SMOC2: variants seen among roughly 807,000 people sequenced by gnomAD.
SMOC2 encodes the protein SPARC-related modular calcium-binding protein 2.
A neutral mutation model predicts 61.4 loss-of-function variants in SMOC2; 39 were observed. That is an observed-to-expected ratio of 0.64 (90% CI 0.49 to 0.83). SMOC2 has a LOEUF of 0.83. Among genes scored for constraint, SMOC2 ranks in the 40% least tolerant of loss-of-function variants. The probability of loss-of-function intolerance (pLI) is 0.00; values close to 1 mark genes in which losing one functional copy is unlikely to be tolerated. For synonymous variants in SMOC2, 247 were observed against 239.9 expected (o/e 1.03, Z -0.27); for missense variants, 556 against 592.9 (o/e 0.94, Z 0.65).
At chr6:168,581,430 T>C (rs1462839098) in intron 7 of SMOC2, among the ~76,000 whole-genome samples, 1 of 152,224 alleles carries the variant, frequency 6.6e-6, no homozygotes, top group Non-Finnish European at 1.5e-5. Flanking sequence ...CCAGACCTGC[T>C]GGCCAGGGAC....
chr6:168,596,222 G>C (rs1172165867), intron 7 of SMOC2, among the ~76,000 whole-genome samples: 1 of 125,560 alleles, frequency 8.0e-6, no homozygotes, highest in Non-Finnish European at 1.7e-5. Flanking sequence ...CAAGCGCCAC[G>C]TGAACACGGC....
At chr6:168,518,993 G>C (rs183436127) in intron 2 of SMOC2, among the ~76,000 whole-genome samples, 5 of 150,808 alleles carry the variant, frequency 3.3e-5, no homozygotes, top group Non-Finnish European at 7.4e-5. Flanking sequence ...GCGTGTGTAT[G>C]CGTGCATGTG....
chr6:168,570,037 G>A (rs1784628229), intron 7 of SMOC2, among the ~76,000 whole-genome samples: 1 of 152,020 alleles, frequency 6.6e-6, no homozygotes. Context: ...AAAGGCGTAA[G>A]GTCCGTGTCT....
chr6:168,546,309 G>A (rs1364910873), intron 5 of SMOC2, among the ~76,000 whole-genome samples: 1 of 145,014 alleles, frequency 6.9e-6, no homozygotes, highest in African/African-American at 2.5e-5. Context: ...AGTGCCTTGT[G>A]ATTGCCTCCT....
chr6:168,553,794 C>T lies in SMOC2; in HGVS notation c.637+4591C>T, dbSNP rs1484378863. The stretch of plus-strand genomic sequence containing the variant: ...CATTTGCCACCATTTGCCATAGTGA[C>T]GTGACCTATGGGAAAGAGCACTCAG... On this transcript the variant is annotated intron_variant, in intron 7 of 12. Transcript: ENST00000356284. The surrounding 1 kb of genome is among the most constrained non-coding windows in gnomAD (Gnocchi z 4.2). Among the ~76,000 whole-genome samples, 3 of 152,214 alleles carry T rather than the reference C, an allele frequency of 2.0e-5. No individual in the cohort carries two copies. Among genetic ancestry groups the T allele is most frequent in the East Asian group, 1.9e-4 (1 of 5,188 alleles).
At chr6:168,629,341 C>G (rs368825712) in intron 9 of SMOC2, among the ~76,000 whole-genome samples, 1 of 152,320 alleles carries the variant, frequency 6.6e-6, no homozygotes, top group South Asian at 2.1e-4. Context: ...ATAGGGCGGT[C>G]CCCCAGAAAC....
intron 11 of SMOC2, among the ~76,000 whole-genome samples, chr6:168,658,641 G>T (rs187775385): frequency 8.9e-4 from 135 of 152,310 alleles, no homozygotes; most frequent in African/African-American, 3.2e-3. Flanking sequence ...CTCTTTGTAA[G>T]GGGGTTGGAT....
At chr6:168,600,434 CA>C (rs965875287) in intron 8 of SMOC2, among the ~76,000 whole-genome samples, 3,138 of 25,370 alleles carry the variant, frequency 0.12, 304 homozygotes, top group Admixed American at 0.29. Context: ...AAAAAAAAAA[CA>C]AAAAAAAAAA....
At chr6:168,660,896 G>A (rs1787493044) in intron 11 of SMOC2, among the ~76,000 whole-genome samples, 1 of 152,212 alleles carries the variant, frequency 6.6e-6, no homozygotes, top group South Asian at 2.1e-4. Context: ...AGTTTAAGTT[G>A]CTGCAGAAGT....
intron 7 of SMOC2, among the ~76,000 whole-genome samples, chr6:168,556,302 C>T (rs1425609146): frequency 6.6e-6 from 1 of 152,210 alleles, no homozygotes; most frequent in Non-Finnish European, 1.5e-5. Context: ...TCCTTTCCTC[C>T]AGTGTCCTTG....
chr6:168,623,981 G>A (rs565532492), intron 9 of SMOC2, among the ~76,000 whole-genome samples: 5 of 152,260 alleles, frequency 3.3e-5, no homozygotes, highest in South Asian at 2.1e-4. Flanking sequence ...GTGGGGCATC[G>A]CCGCAGAGGA....
At position 168,584,017 on chromosome 6, in the gene SMOC2, G is replaced by A. The variant is rs75568392; in HGVS notation, c.638-14801G>A. ...TGGGACTTGGCAGAGGCCATCGGAG[G>A]TAAACAAACTCTAGTCCCTACACGT... On this transcript the variant is annotated intron_variant, in intron 7 of 12. Transcript: ENST00000356284. Among the ~76,000 whole-genome samples, 54 of 152,290 alleles carry A rather than the reference G, an allele frequency of 3.5e-4. No homozygotes were observed. The East Asian group carries it at 0.01, about 28-fold the overall frequency.
intron 9 of SMOC2, among the ~76,000 whole-genome samples, chr6:168,616,894 G>T (rs58811933): frequency 6.6e-6 from 1 of 152,010 alleles, no homozygotes; most frequent in African/African-American, 2.4e-5. Flanking sequence ...TGCACTGCGG[G>T]GGGGTTGCAG....
At chr6:168,562,657 T>G (rs1350705671) in intron 7 of SMOC2, among the ~76,000 whole-genome samples, 1 of 152,150 alleles carries the variant, frequency 6.6e-6, no homozygotes, top group African/African-American at 2.4e-5. Flanking sequence ...TGTCAGAGGG[T>G]GCGTTTCTGA....
intron 11 of SMOC2, among the ~76,000 whole-genome samples, chr6:168,657,668 G>C (rs79838641): frequency 1.3e-5 from 2 of 152,096 alleles, no homozygotes; most frequent in Non-Finnish European, 1.5e-5. Flanking sequence ...GAACACAAAC[G>C]TATTAGCTTA....
At chr6:168,564,438 G>A (rs1784498098) in intron 7 of SMOC2, among the ~76,000 whole-genome samples, 1 of 152,040 alleles carries the variant, frequency 6.6e-6, no homozygotes, top group African/African-American at 2.4e-5. Context: ...ACAAATCCTT[G>A]CAGTAGGTTG....
intron 7 of SMOC2, among the ~76,000 whole-genome samples, chr6:168,574,991 C>T (rs1442707088): frequency 2.6e-5 from 4 of 152,196 alleles, no homozygotes; most frequent in African/African-American, 7.2e-5. Flanking sequence ...CTGCTCCACT[C>T]GAACACTCCT....
At chr6:168,441,559 G>A in intron 1 of SMOC2, 105 bp downstream of exon 1, 1 of 1,334,424 alleles carries the variant, frequency 7.5e-7, no homozygotes, top group Non-Finnish European at 9.6e-7. Flanking sequence ...CCTGGGCACG[G>A]GGAGCAGGTG....
At chr6:168,520,068 G>A (rs888851190) in intron 2 of SMOC2, among the ~76,000 whole-genome samples, 2 of 152,190 alleles carry the variant, frequency 1.3e-5, no homozygotes, top group African/African-American at 2.4e-5. Context: ...AAGGTTGGAC[G>A]GATGCGCTAG....
Sources: gnomAD v4.1 joint callset for allele counts (sites outside exome capture counted in the v4.1 genomes callset) on GRCh38, gnomAD v4.1.1 for gene constraint, Gnocchi (gnomAD v3.1) non-coding constraint, MANE v1.5 for transcripts, NCBI Gene and HGNC (gene_info 2026-07-23, HGNC 2026-07-21) for gene names.